The following EML5 variants were observed in gnomAD, a reference collection of about 807,000 sequenced individuals.
EML5 encodes the protein echinoderm microtubule-associated protein-like 5.
Under a neutral mutation model 250.0 loss-of-function variants are expected in EML5, and 120 were observed. That is an observed-to-expected ratio of 0.48 (90% CI 0.41 to 0.56). The LOEUF is 0.56. EML5 is among the 20% of genes least tolerant of loss of function. The pLI is 0.00. For missense variants in EML5, 2,006 were observed against 2,437.6 expected (o/e 0.82, Z 3.73); for synonymous variants, 771 against 806.5 (o/e 0.96, Z 0.75).
rs1244400832 is a variant in EML5, at chr14:88,680,638, T to C, written c.3124+1252A>G. 2.6e-5 allele frequency among the ~76,000 whole-genome samples: 4 copies of C among 152,310 alleles called. No homozygotes were observed. The East Asian group carries it at 7.7e-4, about 29-fold the overall frequency. ...AGTACTAGCTTTCAAATTTTTATGT[T>C]AATTTTAGGTTCCAAAATACTCATA... is the stretch of plus-strand genomic sequence containing the variant. On this transcript the variant is annotated intron_variant, in intron 21 of 43. Coordinates refer to ENST00000554922, the MANE Select transcript of EML5 (RefSeq NM_183387.3).
chr14:88,737,775 C>T lies in EML5; in HGVS notation c.847+1104G>A, dbSNP rs185240974. Reference sequence around the variant, plus strand: ...AAGACATGTACTCTTCTTCCTTCTCCCTTGTAGACAACTCTAGCCATGTCT... The same window carrying T: ...AAGACATGTACTCTTCTTCCTTCTCTCTTGTAGACAACTCTAGCCATGTCT... On this transcript the variant is annotated intron_variant, in intron 6 of 43. Transcript: ENST00000554922. Among the ~76,000 whole-genome samples the T allele has an allele frequency of 9.1e-4, 138 of 152,264 alleles. 3 individuals are homozygous for T. In the East Asian group the frequency reaches 0.024, roughly 26 times the overall value.
intron 7 of EML5, among the ~76,000 whole-genome samples, chr14:88,733,960 A>G (rs2093799782): frequency 7.1e-6 from 1 of 141,590 alleles, no homozygotes; most frequent in Non-Finnish European, 1.5e-5. Context: ...TATGAAAAAT[A>G]ACAACAACAA....
At chr14:88,685,771 T>A (rs941543992) in intron 19 of EML5, among the ~76,000 whole-genome samples, 3 of 152,214 alleles carry the variant, frequency 2.0e-5, no homozygotes, top group African/African-American at 7.2e-5. Context: ...TAAATAACTT[T>A]TAGATTGCTT....
At chr14:88,639,336 G>C (rs1371818390) in intron 31 of EML5, among the ~76,000 whole-genome samples, 2 of 152,176 alleles carry the variant, frequency 1.3e-5, no homozygotes, top group African/African-American at 4.8e-5. Flanking sequence ...CATATAACAG[G>C]CTCATTTGGC....
At chr14:88,778,760 A>AC (rs1851112482) in intron 1 of EML5, among the ~76,000 whole-genome samples, 1 of 152,222 alleles carries the variant, frequency 6.6e-6, no homozygotes, top group African/African-American at 2.4e-5. Flanking sequence ...GCCTGGCGAC[A>AC]CAGCAAGACT....
At chr14:88,630,890 CGGAAAGTCCCT>C (rs1367221501) in intron 33 of EML5, among the ~76,000 whole-genome samples, 1 of 152,156 alleles carries the variant, frequency 6.6e-6, no homozygotes, top group Non-Finnish European at 1.5e-5. Flanking sequence ...GCAGAAGAGA[CGGAAAGTCCCT>C]GGGTTCTGGA....
chr14:88,784,092 C>A (rs1266245511), intron 1 of EML5, among the ~76,000 whole-genome samples: 1 of 152,064 alleles, frequency 6.6e-6, no homozygotes. Flanking sequence ...TGAAAAATTT[C>A]TTGAAACAAA....
intron 27 of EML5, among the ~76,000 whole-genome samples, chr14:88,654,066 C>T (rs1345185088): frequency 1.3e-5 from 2 of 152,088 alleles, no homozygotes; most frequent in Non-Finnish European, 2.9e-5. Flanking sequence ...AGTTTATTTG[C>T]GTAGAGGTCT....
In EML5 at chr14:88,715,154, G is replaced by A. The variant is rs760230310; in HGVS notation, c.1229C>T (p.Ala410Val). 6.2e-7 allele frequency: 1 copy of A among 1,607,464 alleles called. No individual in the cohort carries two copies. The change falls in exon 9 of 44, where the codon GCA becomes GTA. Residue 410 changes from alanine to valine, a missense_variant. Physicochemically the swap from Ala to Val is moderately conservative, Grantham distance 64. This residue lies in a region of EML5 where 1,375 missense variants were observed against 1,590.3 expected (regional missense o/e 0.86). Coordinates refer to ENST00000554922, the MANE Select transcript of EML5 (RefSeq NM_183387.3). ...TGGTGAATATTTTAACTCATGAATT[G>A]CCTCCTTCCTATCTTTAATATGTAC... ...EVVHIKDRKE[A>V]IHELKYSPDG...
In EML5 at chr14:88,731,826, T is replaced by G. The variant is rs529929869; in HGVS notation, c.1049+4538A>C. On this transcript the variant is annotated intron_variant, in intron 7 of 43. Coordinates refer to ENST00000554922, the MANE Select transcript of EML5 (RefSeq NM_183387.3). ...GCATTTCTCTGATGGCCAGTGATGA[T>G]GAGCATTTTTTCATGTGTCTGTTGG... Among the ~76,000 whole-genome samples, 783 of 152,354 alleles carry G rather than the reference T, an allele frequency of 5.1e-3. 3 individuals are homozygous for G. The highest frequency in any genetic ancestry group is 0.014 in the Middle Eastern group (4 of 294).
chr14:88,624,937 C>T (rs1484488195), intron 36 of EML5, 33 bp downstream of exon 36: 3 of 1,609,010 alleles, frequency 1.9e-6, no homozygotes, highest in South Asian at 1.1e-5. Flanking sequence ...GTCACAAATG[C>T]ATAAATATTC....
intron 8 of EML5, among the ~76,000 whole-genome samples, chr14:88,716,764 C>CA (rs60683764): frequency 2.0e-5 from 3 of 146,762 alleles, no homozygotes; most frequent in Admixed American, 1.4e-4. Context: ...CACACACACA[C>CA]GGTAGAAGGT....
At chr14:88,649,983 T>C (rs2140786673) in intron 27 of EML5, 57 bp from the exon 28 acceptor site, 1 of 1,263,288 alleles carries the variant, frequency 7.9e-7, no homozygotes, top group Non-Finnish European at 1.1e-6. Context: ...TGATGATGAA[T>C]AGAATACAGC....
intron 27 of EML5, among the ~76,000 whole-genome samples, chr14:88,652,370 A>T (rs949524521): frequency 2.6e-5 from 4 of 152,120 alleles, no homozygotes; most frequent in Admixed American, 1.3e-4. Context: ...GGGTCAGTCA[A>T]TTTACAAGAT....
chr14:88,728,200 CTTT>C (rs35595817), intron 7 of EML5, among the ~76,000 whole-genome samples: 1 of 146,696 alleles, frequency 6.8e-6, no homozygotes, highest in Non-Finnish European at 1.5e-5. Context: ...CATGTACAGA[CTTT>C]TTTTTTTTGT....
chr14:88,619,866 T>G (rs1203590669), intron 39 of EML5: 1 of 152,212 alleles, frequency 6.6e-6, no homozygotes, highest in Non-Finnish European at 1.5e-5. Context: ...GGTTTCACTA[T>G]GTTGGCCAGG....
At chr14:88,747,813 T>C (rs1277533729) in intron 2 of EML5, among the ~76,000 whole-genome samples, 4 of 152,032 alleles carry the variant, frequency 2.6e-5, no homozygotes, top group Non-Finnish European at 5.9e-5. Flanking sequence ...ACCGAAAGTA[T>C]GAGAGAGGTT....
In EML5 at chr14:88,649,916, C is replaced by G; in HGVS notation, c.4015G>C (p.Val1339Leu). The change falls in exon 28 of 44, where the codon GTA becomes CTA. Residue 1339 changes from valine to leucine, a missense_variant. Coordinates refer to ENST00000554922, the MANE Select transcript of EML5 (RefSeq NM_183387.3). ...EPSIDERQGVVRGSRPPVSRA... is the reference protein window; with the variant it reads ...EPSIDERQGVLRGSRPPVSRA... ...TTTCTTTTATAAAACACTTACCTTA[C>G]TACTCCCTGCCTTCAAAAGGAGCAA... The G allele has an allele frequency of 6.7e-7, 1 of 1,490,082 alleles. No homozygotes were observed. The highest frequency in any genetic ancestry group is 8.9e-7 in the Non-Finnish European group (1 of 1,120,542). 92.3% of individuals were successfully genotyped at this position (1,490,082 alleles called of 1,614,324 possible).
chr14:88,758,020 T>C (rs1245002009), intron 1 of EML5, among the ~76,000 whole-genome samples: 1 of 64,684 alleles, frequency 1.5e-5, no homozygotes, highest in Non-Finnish European at 3.0e-5. Context: ...ACCTGTCTAA[T>C]TTTTTTTTTT....
Sources: gnomAD v4.1 joint callset for allele counts (sites outside exome capture counted in the v4.1 genomes callset) on GRCh38, gnomAD v4.1.1 for gene constraint, gnomAD v4.1.1 regional missense constraint, MANE v1.5 for transcripts, NCBI Gene and HGNC (gene_info 2026-07-23, HGNC 2026-07-21) for gene names.